Variants in AFF1 observed in about 807,000 individuals in gnomAD.
AFF1 encodes the protein AF4/FMR2 family member 1.
In AFF1, 48 loss-of-function variants were observed where a neutral mutation model predicts 121.7. The observed-to-expected ratio is 0.39, with a 90% confidence interval of 0.31 to 0.50. The LOEUF is 0.50. AFF1 is among the 20% of genes least tolerant of loss of function. AFF1 has a pLI of 0.76. For synonymous variants in AFF1, 613 were observed against 563.0 expected (o/e 1.09, Z -1.26); for missense variants, 1,523 against 1,511.7 (o/e 1.01, Z -0.12).
At chr4:87,054,141 C>T (rs1228117512) in intron 4 of AFF1, among the ~76,000 whole-genome samples, 1 of 152,200 alleles carries the variant, frequency 6.6e-6, no homozygotes, top group Non-Finnish European at 1.5e-5. Context: ...ATCAGAATCA[C>T]CTGGGAAGCC....
intron 4 of AFF1, among the ~76,000 whole-genome samples, chr4:87,075,998 A>C (rs1020398459): frequency 1.5e-4 from 23 of 152,198 alleles, no homozygotes; most frequent in East Asian, 5.8e-4. Context: ...AGAGATTACT[A>C]AACCCTAGTT....
At chr4:87,006,233 T>C (rs1485239990) in intron 2 of AFF1, among the ~76,000 whole-genome samples, 2 of 152,020 alleles carry the variant, frequency 1.3e-5, no homozygotes, top group Admixed American at 1.3e-4. Flanking sequence ...CATCTAAGAG[T>C]CTTCAGCTCC....
intron 2 of AFF1, among the ~76,000 whole-genome samples, chr4:87,022,167 T>C (rs1278663946): frequency 7.6e-6 from 1 of 131,750 alleles, no homozygotes; most frequent in African/African-American, 2.9e-5. Flanking sequence ...ATCGTGCCAC[T>C]GCACTCTGGC....
chr4:87,063,756 G>C (rs373887939), intron 4 of AFF1, among the ~76,000 whole-genome samples: 10 of 152,178 alleles, frequency 6.6e-5, no homozygotes, highest in African/African-American at 2.4e-4. Flanking sequence ...ATGTTTGCCT[G>C]ACATTTAGTA....
chr4:87,045,474 G>A (rs1161543425), intron 2 of AFF1, among the ~76,000 whole-genome samples: 1 of 151,670 alleles, frequency 6.6e-6, no homozygotes, highest in Non-Finnish European at 1.5e-5. Context: ...TTAGTGCCAG[G>A]GCTGATGATT....
chr4:87,048,231 A>G (rs892107040), intron 4 of AFF1, among the ~76,000 whole-genome samples: 1 of 152,204 alleles, frequency 6.6e-6, no homozygotes, highest in African/African-American at 2.4e-5. Flanking sequence ...GTATACGGTG[A>G]CATTTCACTT....
chr4:87,113,110 G>A (rs1726720855), intron 11 of AFF1, among the ~76,000 whole-genome samples: 1 of 152,164 alleles, frequency 6.6e-6, no homozygotes, highest in African/African-American at 2.4e-5. Flanking sequence ...GGATGCAACA[G>A]CAGTTAATTT....
intron 2 of AFF1, among the ~76,000 whole-genome samples, chr4:86,980,704 A>T (rs1723666531): frequency 6.6e-6 from 1 of 152,228 alleles, no homozygotes; most frequent in South Asian, 2.1e-4. Context: ...TTAAAAGAAT[A>T]ACGAATAGAA....
At position 87,131,813 on chromosome 4, in the gene AFF1, C is replaced by A. The variant is rs1278098372; in HGVS notation, c.3122C>A (p.Ser1041Tyr). ...DLIKFIMSLK[S>Y]FSDATAPTQE... ...TATAGATTCATAATGTCATTAAAAT[C>A]CTTCTCAGATGCCACAGCGCCAACA... The change falls in exon 18 of 21, where the codon TCC (serine) becomes TAC (tyrosine). Residue 1041 changes from serine to tyrosine, a missense_variant. This residue lies in a region of AFF1 where 241 missense variants were observed against 265.2 expected (regional missense o/e 0.91). Coordinates refer to ENST00000395146, the MANE Select transcript of AFF1 (RefSeq NM_001166693.3). The A allele has an allele frequency of 1.9e-6, 3 of 1,596,110 alleles. No homozygotes were observed. In the African/African-American group the frequency reaches 4.1e-5, roughly 22 times the overall value.
chr4:87,027,723 G>T (rs190460286), intron 2 of AFF1, among the ~76,000 whole-genome samples: 1,688 of 149,564 alleles, frequency 0.011, 37 homozygotes, highest in African/African-American at 0.04. Context: ...ATATTAAATA[G>T]TCCTAATTCA....
At chr4:87,102,204 AAC>A (rs1725497935) in intron 8 of AFF1, among the ~76,000 whole-genome samples, 1 of 152,230 alleles carries the variant, frequency 6.6e-6, no homozygotes, top group African/African-American at 2.4e-5. Flanking sequence ...GCTTCTTTTG[AAC>A]AGTGTCAAAG....
At chr4:86,993,677 A>G (rs1724896132) in intron 2 of AFF1, among the ~76,000 whole-genome samples, 1 of 152,160 alleles carries the variant, frequency 6.6e-6, no homozygotes, top group Admixed American at 6.5e-5. Flanking sequence ...TAAAATGCAG[A>G]TTCTGGGCTG....
chr4:87,007,553 C>T lies in AFF1; in HGVS notation c.39-38613C>T, dbSNP rs1383380754. The stretch of plus-strand genomic sequence containing the variant: ...CTTTGTCATTGCCTTCTCATCATTC[C>T]CGAGGCTGTGGCTTGACTAAATGTC... On this transcript the variant is annotated intron_variant, in intron 2 of 20. Coordinates refer to ENST00000395146, the MANE Select transcript of AFF1 (RefSeq NM_001166693.3). The T allele has an allele frequency of 1.1e-5, 14 of 1,260,156 alleles. 1 individual carries two copies. The highest frequency in any genetic ancestry group is 9.6e-5 in the East Asian group (4 of 41,826). 78.1% of individuals were successfully genotyped at this position (1,260,156 alleles called of 1,614,324 possible).
intron 7 of AFF1, among the ~76,000 whole-genome samples, chr4:87,093,259 C>A (rs768247288): frequency 6.6e-6 from 1 of 152,146 alleles, no homozygotes; most frequent in Non-Finnish European, 1.5e-5. Context: ...TGCTTACCCC[C>A]ACATCTTTTA....
intron 2 of AFF1, among the ~76,000 whole-genome samples, chr4:86,952,881 A>G (rs1721465432): frequency 1.3e-5 from 2 of 150,730 alleles, no homozygotes; most frequent in Non-Finnish European, 3.0e-5. Context: ...TTATTTATTT[A>G]TTTTCAGTAG....
intron 5 of AFF1, among the ~76,000 whole-genome samples, chr4:87,084,980 A>G (rs1412109752): frequency 3.3e-5 from 5 of 152,342 alleles, no homozygotes; most frequent in African/African-American, 1.2e-4. Flanking sequence ...CTTCAGTGAG[A>G]CGATGAAATT....
intron 4 of AFF1, among the ~76,000 whole-genome samples, chr4:87,075,334 A>G (rs1279438235): frequency 6.6e-6 from 1 of 152,186 alleles, no homozygotes; most frequent in Non-Finnish European, 1.5e-5. Flanking sequence ...AATCAAATAT[A>G]TAAATATGTG....
In AFF1 at chr4:87,136,162, ATTTT is replaced by A. The variant is rs1197374142; in HGVS notation, c.*466_*469del. The A allele has an allele frequency of 4.3e-6, 1 of 231,588 alleles. No homozygotes were observed. The highest frequency in any genetic ancestry group is 8.5e-6 in the Non-Finnish European group (1 of 117,510). 14.3% of individuals were successfully genotyped at this position (231,588 alleles called of 1,614,324 possible). A position where few individuals can be genotyped will look rare whatever the true frequency, so the allele number is the denominator to read the frequency against. Reference sequence around the variant, plus strand: ...CTTTTGGTAAAGGGTTTTGTGGATGATTTTTTTTCTTTTGAGTTTTGGGAGAAAT... The same window carrying A: ...CTTTTGGTAAAGGGTTTTGTGGATGATTTTCTTTTGAGTTTTGGGAGAAAT... On this transcript the variant is annotated 3_prime_UTR_variant, in exon 21 of 21. Coordinates refer to ENST00000395146, the MANE Select transcript of AFF1 (RefSeq NM_001166693.3).
chr4:87,018,675 T>C (rs879351701), intron 2 of AFF1, among the ~76,000 whole-genome samples: 1 of 152,202 alleles, frequency 6.6e-6, no homozygotes, highest in Non-Finnish European at 1.5e-5. Context: ...GAAATAAAAA[T>C]TTGATTGTTT....
Sources: allele counts gnomAD v4.1 joint callset (sites outside exome capture counted in the v4.1 genomes callset), GRCh38; gene constraint gnomAD v4.1.1; regional missense constraint gnomAD v4.1.1; transcripts MANE v1.5; gene names NCBI Gene and HGNC (gene_info 2026-07-23, HGNC 2026-07-21).